ZBTB17: variants seen among roughly 807,000 people sequenced by gnomAD.
The protein encoded by ZBTB17 is zinc finger and BTB domain-containing protein 17.
In ZBTB17, 24 loss-of-function variants were observed where a neutral mutation model predicts 85.1. The observed-to-expected ratio is 0.28, with a 90% CI of 0.20 to 0.40. The LOEUF is 0.40. Ranked by LOEUF, ZBTB17 falls within the 10% of genes least tolerant of loss-of-function variation. ZBTB17 has a pLI of 1.00. For synonymous variants in ZBTB17, 464 were observed against 460.2 expected, an observed-to-expected ratio of 1.01 and a Z score of -0.11; for missense variants, 743 against 1,105.1, an observed-to-expected ratio of 0.67 and a Z score of 4.65.
chr1:15,946,415 T>C, intron 4 of ZBTB17, 121 bp from the exon 5 acceptor site: 2 of 1,443,728 alleles, frequency 1.4e-6, no homozygotes, highest in South Asian at 1.4e-5. Context: ...TAAGTAGTGG[T>C]TTGCTGATTT....
At chr1:15,958,076 A>G (rs2072115049) in intron 2 of ZBTB17, among the ~76,000 whole-genome samples, 3 of 152,214 alleles carry the variant, frequency 2.0e-5, no homozygotes. Flanking sequence ...CAGTGACCTC[A>G]GGCAAGCATC....
Position 15,953,251 on chromosome 1 carries a change from A to AATCTGCC in ZBTB17, c.-2-4761_-2-4755dup, listed in dbSNP as rs2071928327. ...TGGTCTCAAACTCCTGGGCTCAAGCAATCTGCCTACCTTGGCCTTCTAAAG... is the reference window on the plus strand; with the variant it reads ...TGGTCTCAAACTCCTGGGCTCAAGCAATCTGCCATCTGCCTACCTTGGCCTTCTAAAG... On this transcript the variant is annotated intron_variant, in intron 2 of 15. Transcript: ENST00000375743. The surrounding 1 kb of genome is among the most constrained non-coding windows in gnomAD (Gnocchi z 5.1). Among the ~76,000 whole-genome samples, 2 of 152,036 alleles carry AATCTGCC rather than the reference A, an allele frequency of 1.3e-5. No homozygotes were observed. The highest frequency in any genetic ancestry group is 4.8e-5 in the African/African-American group (2 of 41,354).
chr1:15,952,963 CTG>C lies in ZBTB17; in HGVS notation c.-2-4468_-2-4467del, dbSNP rs2071917104. ...TGCTGTGCTGTGCAGCAGGAGATAA[CTG>C]AGACGGACGGTAAAACCAGGAAGAA... On this transcript the variant is annotated intron_variant, in intron 2 of 15. Transcript: ENST00000375743. This position sits in a 1 kb window ranked among gnomAD's most constrained non-coding sequence, Gnocchi z 4.3. 1 of 152,178 alleles carries C rather than the reference CTG, an allele frequency of 6.6e-6. No homozygotes were observed. Among genetic ancestry groups the C allele is most frequent in the Admixed American group, 6.5e-5 (1 of 15,282 alleles). The allele number at this position is 152,178 out of a possible 1,614,324, so 9.4% of individuals were successfully genotyped here.
chr1:15,950,173 C>T (rs2071780885), intron 2 of ZBTB17, among the ~76,000 whole-genome samples: 1 of 152,260 alleles, frequency 6.6e-6, no homozygotes. Context: ...CTGGCAGCAG[C>T]ACACGGCCAC....
chr1:15,971,646 C>A (rs963131437), intron 2 of ZBTB17, among the ~76,000 whole-genome samples: 2 of 141,740 alleles, frequency 1.4e-5, no homozygotes, highest in Non-Finnish European at 3.1e-5. Context: ...AAAAAAAAAA[C>A]GAAAAGGTTG....
intron 2 of ZBTB17, 40 bp downstream of exon 2, chr1:15,972,999 C>T (rs1316424631): frequency 6.6e-6 from 1 of 152,216 alleles, no homozygotes; most frequent in African/African-American, 2.4e-5. Flanking sequence ...AAAGGACAAA[C>T]TGATCTGATT....
rs1483560658 is a variant in ZBTB17, at chr1:15,944,281, C to T, written c.1371+19G>A. ...CACCGGCGGCTGCCAGGCGCTGGTTCCGGGAGGGGTCCGCACACCTGGTTG... is the reference window on the plus strand; with the variant it reads ...CACCGGCGGCTGCCAGGCGCTGGTTTCGGGAGGGGTCCGCACACCTGGTTG... On this transcript the variant is annotated intron_variant, in intron 9 of 15. Transcript: ENST00000375743. 1.3e-6 allele frequency: 2 copies of T among 1,549,738 alleles called. No homozygotes were observed. The highest frequency in any genetic ancestry group is 1.7e-6 in the Non-Finnish European group (2 of 1,146,816).
At chr1:15,943,969 A>G in intron 9 of ZBTB17, 74 bp from the exon 10 acceptor site, 1 of 1,396,824 alleles carries the variant, frequency 7.2e-7, no homozygotes, top group Non-Finnish European at 9.9e-7. Context: ...CCCCTCCCAC[A>G]AAGGAACAAT....
At chr1:15,958,445 T>C (rs1168007299) in intron 2 of ZBTB17, among the ~76,000 whole-genome samples, 1 of 149,266 alleles carries the variant, frequency 6.7e-6, no homozygotes, top group Non-Finnish European at 1.5e-5. Context: ...CACACAGGTG[T>C]TGCTTCTCTC....
chr1:15,962,807 G>A (rs2072306687), intron 2 of ZBTB17, among the ~76,000 whole-genome samples: 1 of 152,178 alleles, frequency 6.6e-6, no homozygotes, highest in Non-Finnish European at 1.5e-5. Context: ...TGGCTACGGT[G>A]GCACATGACT....
chr1:15,969,876 C>T lies in ZBTB17; in HGVS notation c.-3+3163G>A, dbSNP rs114292614. ...GAATCATTTCATTGACTGTAAAATT[C>T]CCCTTAGACAGACGGAGGCAGCTAG... On this transcript the variant is annotated intron_variant, in intron 2 of 15. Coordinates refer to ENST00000375743, the MANE Select transcript of ZBTB17 (RefSeq NM_003443.3). 1.5e-4 allele frequency: 89 copies of T among 602,602 alleles called. No homozygotes were observed. In the African/African-American group the frequency reaches 1.5e-3, roughly 10 times the overall value. The allele number at this position is 602,602 out of a possible 1,614,324, so 37.3% of individuals were successfully genotyped here. A position where few individuals can be genotyped will look rare whatever the true frequency, so the allele number is the denominator to read the frequency against.
At position 15,945,700 on chromosome 1, in the gene ZBTB17, G is replaced by A; in HGVS notation, c.661+15C>T. 1 of 1,606,266 alleles carries A rather than the reference G, an allele frequency of 6.2e-7. No homozygotes were observed. Among genetic ancestry groups the A allele is most frequent in the Non-Finnish European group, 8.5e-7 (1 of 1,179,736 alleles). On this transcript the variant is annotated intron_variant, in intron 6 of 15. Transcript: ENST00000375743. ...ATGCACCAGGTAGGGCCTGGTCCTGGCTGGGCGGGGCTACCTTGCTCCGAG... is the reference window on the plus strand; with the variant it reads ...ATGCACCAGGTAGGGCCTGGTCCTGACTGGGCGGGGCTACCTTGCTCCGAG...
intron 2 of ZBTB17, among the ~76,000 whole-genome samples, chr1:15,971,512 C>CTATA (rs1304206089): frequency 1.6e-5 from 1 of 62,460 alleles, no homozygotes; most frequent in East Asian, 7.6e-4. Context: ...TACACACACA[C>CTATA]TATATATATA....
At chr1:15,969,769 AC>A (rs918542250) in intron 2 of ZBTB17, 88 of 505,576 alleles carry the variant, frequency 1.7e-4, no homozygotes, top group African/African-American at 1.6e-3. Context: ...ACAGTGTCAA[AC>A]AATGCGTGGA....
At chr1:15,967,464 C>A (rs1028078613) in intron 2 of ZBTB17, among the ~76,000 whole-genome samples, 4 of 146,610 alleles carry the variant, frequency 2.7e-5, no homozygotes, top group African/African-American at 5.1e-5. Context: ...GGATTGCTTG[C>A]GCCCAGGAGT....
chr1:15,972,630 T>C (rs1385228313), intron 2 of ZBTB17, among the ~76,000 whole-genome samples: 4 of 152,346 alleles, frequency 2.6e-5, no homozygotes, highest in South Asian at 4.1e-4. Context: ...AGCAGCCAGC[T>C]TGGACCATGA....
rs184131705 is a variant in ZBTB17 at position 15,951,252 on chromosome 1, G to C, written c.-2-2755C>G. On this transcript the variant is annotated intron_variant, in intron 2 of 15. Transcript: ENST00000375743. This position sits in a 1 kb window ranked among gnomAD's most constrained non-coding sequence, Gnocchi z 4.1. ...AGAAAACAGGAGAAATGATAAGAAG[G>C]GGGGAGGAAGAAGTGAAGATGGGCA... Among the ~76,000 whole-genome samples, 7 of 151,454 alleles carry C rather than the reference G, an allele frequency of 4.6e-5. No individual in the cohort carries two copies. The highest frequency in any genetic ancestry group is 1.9e-4 in the East Asian group (1 of 5,180).
At position 15,946,932 on chromosome 1, in the gene ZBTB17, T is replaced by C. The variant is rs1269628470; in HGVS notation, c.394+3A>G. 1.2e-6 allele frequency: 2 copies of C among 1,606,142 alleles called. No homozygotes were observed. Among genetic ancestry groups the C allele is most frequent in the African/African-American group, 1.3e-5 (1 of 74,940 alleles). On this transcript the variant is annotated splice_donor_region_variant and intron_variant, in intron 4 of 15. Coordinates refer to ENST00000375743, the MANE Select transcript of ZBTB17 (RefSeq NM_003443.3). ...TGCTTGGGAGCAGCTGCCAATAACC[T>C]ACCTTCTGTGGCCAAGGCCTCCGCA...
chr1:15,969,441 G>A (rs557265342), intron 2 of ZBTB17, among the ~76,000 whole-genome samples: 17 of 151,904 alleles, frequency 1.1e-4, no homozygotes, highest in Non-Finnish European at 7.4e-5. Flanking sequence ...CTACAAAACC[G>A]GTCCCTGGTG....
Sources: gnomAD v4.1 joint callset for allele counts (sites outside exome capture counted in the v4.1 genomes callset) on GRCh38, gnomAD v4.1.1 for gene constraint, Gnocchi (gnomAD v3.1) non-coding constraint, MANE v1.5 for transcripts, NCBI Gene and HGNC (gene_info 2026-07-23, HGNC 2026-07-21) for gene names.